Variants in TET1 observed in about 807,000 individuals in gnomAD.
The protein encoded by TET1 is tet methylcytosine dioxygenase 1.
In TET1, 13 loss-of-function variants were observed where a neutral mutation model predicts 148.7. The observed-to-expected ratio is 0.09, with a 90% CI of 0.06 to 0.14. The LOEUF is 0.14. Ranked by LOEUF, TET1 falls within the 10% of genes least tolerant of loss-of-function variation. The pLI, the probability that TET1 is intolerant of heterozygous loss-of-function variation, is 1.00. For synonymous variants in TET1, 907 were observed against 937.2 expected (o/e 0.97, Z 0.59); for missense variants, 2,182 against 2,553.8 (o/e 0.85, Z 3.14).
At chr10:68,641,080 T>G (rs1204813051) in intron 3 of TET1, among the ~76,000 whole-genome samples, 1 of 151,370 alleles carries the variant, frequency 6.6e-6, no homozygotes, top group Non-Finnish European at 1.5e-5. Flanking sequence ...TGTGACAGGT[T>G]GTATGGCACA....
At chr10:68,641,324 G>T (rs998728973) in intron 3 of TET1, among the ~76,000 whole-genome samples, 1 of 149,464 alleles carries the variant, frequency 6.7e-6, no homozygotes, top group African/African-American at 2.5e-5. Flanking sequence ...TGCCTGAGAG[G>T]CAGGGTGTCA....
At chr10:68,670,617 C>G (rs2055260076) in intron 7 of TET1, among the ~76,000 whole-genome samples, 1 of 152,128 alleles carries the variant, frequency 6.6e-6, no homozygotes, top group Non-Finnish European at 1.5e-5. Flanking sequence ...AATAATAGTA[C>G]ATAGTAAGTT....
chr10:68,677,551 T>C (rs2055378006), intron 8 of TET1, among the ~76,000 whole-genome samples: 1 of 152,232 alleles, frequency 6.6e-6, no homozygotes, highest in Admixed American at 6.5e-5. Context: ...TATTTTTTGA[T>C]ACGGGGCCTC....
At chr10:68,690,577 C>T (rs916119954) in intron 11 of TET1, among the ~76,000 whole-genome samples, 3 of 151,866 alleles carry the variant, frequency 2.0e-5, no homozygotes, top group African/African-American at 4.8e-5. Context: ...AGCGAGACTC[C>T]GTCTCCAAAA....
At chr10:68,627,177 G>A (rs945749852) in intron 3 of TET1, among the ~76,000 whole-genome samples, 5 of 152,030 alleles carry the variant, frequency 3.3e-5, no homozygotes, top group Admixed American at 2.6e-4. Flanking sequence ...GGAGGCCAAG[G>A]CGGGCGGATC....
chr10:68,640,710 C>T (rs1241051184), intron 3 of TET1, among the ~76,000 whole-genome samples: 1 of 150,996 alleles, frequency 6.6e-6, no homozygotes, highest in Admixed American at 6.6e-5. Context: ...TGCCACCACA[C>T]CCGGCTAATT....
chr10:68,657,398 G>A (rs972142588), intron 6 of TET1, among the ~76,000 whole-genome samples: 1 of 152,016 alleles, frequency 6.6e-6, no homozygotes, highest in African/African-American at 2.4e-5. Context: ...GGATGGTCTC[G>A]ATCTCCCGAC....
Position 68,634,554 on chromosome 10 carries a change from G to T in TET1, c.1969-10144G>T, listed in dbSNP as rs146149160. 4.0e-3 allele frequency among the ~76,000 whole-genome samples: 615 copies of T among 152,262 alleles called. 4 individuals are homozygous for T. The highest frequency in any genetic ancestry group is 0.014 in the African/African-American group (581 of 41,542). On this transcript the variant is annotated intron_variant, in intron 3 of 11. Transcript: ENST00000373644. Reference sequence around the variant, plus strand: ...GTTAATTTTAAAACAGTGCCTGGGGGTTAGACACTAGGACCTTGTTGTTAG... The same window carrying T: ...GTTAATTTTAAAACAGTGCCTGGGGTTTAGACACTAGGACCTTGTTGTTAG...
intron 2 of TET1, among the ~76,000 whole-genome samples, chr10:68,582,589 A>G (rs760122441): frequency 2.0e-5 from 3 of 152,168 alleles, no homozygotes; most frequent in Non-Finnish European, 2.9e-5. Context: ...AGGCCTTTCC[A>G]TGTGATAATT....
At chr10:68,611,674 C>CTTTTCTTTCT (rs1402809404) in intron 3 of TET1, among the ~76,000 whole-genome samples, 1 of 148,736 alleles carries the variant, frequency 6.7e-6, no homozygotes, top group Non-Finnish European at 1.5e-5. Flanking sequence ...CTTTTCTTTT[C>CTTTTCTTTCT]TTTCTTTTCT....
At position 68,573,020 on chromosome 10, in the gene TET1, T is replaced by C. The variant is rs1221101210; in HGVS notation, c.682T>C (p.Phe228Leu). The C allele has an allele frequency of 6.2e-7, 1 of 1,614,058 alleles. No homozygotes were observed. Among genetic ancestry groups the C allele is most frequent in the African/African-American group, 1.3e-5 (1 of 74,926 alleles). ...AGGGACACGCTGTGGTGAAGGACTA[T>C]TCTCTGAAGAGACATTGAATGATAC... ...LEGTRCGEGL[F>L]SEETLNDTSG... The change falls in exon 2 of 12, where the codon TTC becomes CTC. Residue 228 changes from phenylalanine (F) to leucine (L), a missense_variant. Coordinates refer to ENST00000373644, the MANE Select transcript of TET1 (RefSeq NM_030625.3).
At chr10:68,677,675 GT>G (rs1295625498) in intron 8 of TET1, among the ~76,000 whole-genome samples, 1 of 152,080 alleles carries the variant, frequency 6.6e-6, no homozygotes, top group Non-Finnish European at 1.5e-5. Context: ...TTGAGACGGA[GT>G]TTCGGTCTTG....
chr10:68,678,259 T>A lies in TET1; in HGVS notation c.4825-3140T>A, dbSNP rs560503562. On this transcript the variant is annotated intron_variant, in intron 8 of 11. Coordinates refer to ENST00000373644, the MANE Select transcript of TET1 (RefSeq NM_030625.3). ...TGGGGTGGGGGGTTCATCTTTATCA[T>A]CAGGCACACTGGAAATTGGACCAGG... 1.2e-3 allele frequency among the ~76,000 whole-genome samples: 177 copies of A among 152,308 alleles called. 1 individual carries two copies. Among genetic ancestry groups the A allele is most frequent in the African/African-American group, 4.0e-3 (165 of 41,560 alleles).
At chr10:68,616,684 T>C (rs1472674614) in intron 3 of TET1, among the ~76,000 whole-genome samples, 1 of 152,044 alleles carries the variant, frequency 6.6e-6, no homozygotes, top group African/African-American at 2.4e-5. Flanking sequence ...TACAGGTGCA[T>C]GTAAGTATGC....
rs2055523055 is a variant in TET1 at position 68,687,078 on chromosome 10, G to C, written c.5404+371G>C. On this transcript the variant is annotated intron_variant, in intron 11 of 11. Transcript: ENST00000373644. ...AATTTTTTGTATTTTTAGTAGAGAC[G>C]GGGTTTCACCGTGTTAGGCAGGATG... 1.3e-5 allele frequency among the ~76,000 whole-genome samples: 2 copies of C among 151,704 alleles called. 1 individual carries two copies. Among genetic ancestry groups the C allele is most frequent in the South Asian group, 4.2e-4 (2 of 4,794 alleles).
intron 3 of TET1, among the ~76,000 whole-genome samples, chr10:68,628,106 C>G (rs1485153865): frequency 6.6e-6 from 1 of 152,020 alleles, no homozygotes; most frequent in African/African-American, 2.4e-5. Flanking sequence ...ACCAACACGC[C>G]CAGCTAATTT....
Position 68,645,667 on chromosome 10 carries a change from T to C in TET1, c.2938T>C (p.Ser980Pro), listed in dbSNP as rs531684841. 2.2e-5 allele frequency: 35 copies of C among 1,614,126 alleles called. No individual in the cohort carries two copies. In the South Asian group the frequency reaches 3.6e-4, roughly 17 times the overall value. Residue 980 changes from serine to proline, a missense_variant, in exon 4 of 12, where the codon TCA becomes CCA. Transcript: ENST00000373644. ...TGGGCAAACTACTACCCTTTCCAAC[T>C]CACATATCAACTCAGCTACTAACCA... ...FNGQTTTLSN[S>P]HINSATNQAS... is the part of the protein sequence containing the mutation.
intron 3 of TET1, among the ~76,000 whole-genome samples, chr10:68,605,387 C>T (rs550709697): frequency 6.6e-6 from 1 of 152,264 alleles, no homozygotes; most frequent in Non-Finnish European, 1.5e-5. Flanking sequence ...GTAGGAGAAT[C>T]ACTTGAATCC....
At chr10:68,582,918 T>C (rs1012337651) in intron 2 of TET1, among the ~76,000 whole-genome samples, 1 of 152,186 alleles carries the variant, frequency 6.6e-6, no homozygotes, top group Non-Finnish European at 1.5e-5. Context: ...AAACTTTTGT[T>C]GTTTAGTAGA....
Sources: gnomAD v4.1 joint callset for allele counts (sites outside exome capture counted in the v4.1 genomes callset) on GRCh38, gnomAD v4.1.1 for gene constraint, MANE v1.5 for transcripts, NCBI Gene and HGNC (gene_info 2026-07-23, HGNC 2026-07-21) for gene names.